Variants in LRCH3 observed in about 807,000 individuals in gnomAD.
LRCH3 encodes DISP complex protein LRCH3.
In LRCH3, 68 loss-of-function variants were observed where a neutral mutation model predicts 104.5. That is an observed-to-expected ratio of 0.65 (90% CI 0.54 to 0.80). The LOEUF (loss-of-function observed/expected upper bound fraction) is 0.80, where lower values mean the gene tolerates loss of function less well. Among genes scored for constraint, LRCH3 ranks in the 30% least tolerant of loss-of-function variants. The pLI is 0.00. For synonymous variants in LRCH3, 344 were observed against 361.3 expected (o/e 0.95, Z 0.54); for missense variants, 951 against 953.9 (o/e 1.00, Z 0.04).
At chr3:197,792,577 T>TTATGTGTATATATATATATATATATA (rs1352243221) in intron 1 of LRCH3, among the ~76,000 whole-genome samples, 1 of 20,330 alleles carries the variant, frequency 4.9e-5, no homozygotes, top group African/African-American at 1.2e-4. Context: ...CCAGCTAATT[T>TTATGTGTATATATATATATATATATA]TATATATATA....
rs756117513 is a variant in LRCH3 at position 197,817,165 on chromosome 3, T to G, written c.408-11T>G. 5.7e-6 allele frequency: 9 copies of G among 1,588,036 alleles called. No individual in the cohort carries two copies. In the South Asian group the frequency reaches 1.0e-4, roughly 18 times the overall value. ...ACTCTGATTCTTCTCTCTTTCTACT[T>G]ACCCATTTAGTCGGAACCAACTGTC... On this transcript the variant is annotated splice_polypyrimidine_tract_variant and intron_variant, in intron 2 of 20. Transcript: ENST00000425562.
At chr3:197,872,676 G>A (rs1018729341) in intron 19 of LRCH3, among the ~76,000 whole-genome samples, 17 of 152,178 alleles carry the variant, frequency 1.1e-4, no homozygotes, top group African/African-American at 4.1e-4. Flanking sequence ...GGCCAACATG[G>A]TGAAACCCCA....
intron 5 of LRCH3, among the ~76,000 whole-genome samples, 171 bp downstream of exon 5, chr3:197,827,185 A>G (rs953916781): frequency 2.6e-5 from 4 of 151,052 alleles, no homozygotes; most frequent in East Asian, 2.0e-4. Flanking sequence ...GGTAAACCAT[A>G]GTGGAAGCAT....
In LRCH3 at chr3:197,829,637, C is replaced by CG; in HGVS notation, c.853dup (p.Asp285GlyfsTer3). The CG allele has an allele frequency of 6.2e-7, 1 of 1,613,138 alleles. No homozygotes were observed. Among genetic ancestry groups the CG allele is most frequent in the Admixed American group, 1.7e-5 (1 of 59,746 alleles). On this transcript the variant is annotated frameshift_variant, in exon 6 of 21. Coordinates refer to ENST00000425562, the MANE Select transcript of LRCH3 (RefSeq NM_001365715.1). LOFTEE classifies it high-confidence loss of function. Reference sequence around the variant, plus strand: ...GCTTGTAAGATTGCTCCAGATCTGCCGGATTATGATAGGAGACCGTTGGGT... The same window carrying CG: ...GCTTGTAAGATTGCTCCAGATCTGCCGGGATTATGATAGGAGACCGTTGGGT...
chr3:197,852,193 T>C (rs779227477), intron 12 of LRCH3: 31 of 196,590 alleles, frequency 1.6e-4, no homozygotes, highest in Admixed American at 5.3e-5. Flanking sequence ...TGTTTTTGAA[T>C]GTGTCAGATA....
At chr3:197,832,615 T>G (rs1736108823) in intron 8 of LRCH3, among the ~76,000 whole-genome samples, 1 of 152,198 alleles carries the variant, frequency 6.6e-6, no homozygotes, top group Non-Finnish European at 1.5e-5. Flanking sequence ...TCACGACCTT[T>G]TGAAGTAACA....
intron 17 of LRCH3, among the ~76,000 whole-genome samples, chr3:197,868,785 C>T (rs1021103386): frequency 6.6e-6 from 1 of 152,046 alleles, no homozygotes; most frequent in Non-Finnish European, 1.5e-5. Flanking sequence ...AAAAATGAAC[C>T]AGACCAGCCT....
Position 197,847,416 on chromosome 3 carries a change from G to T in LRCH3, c.1336G>T (p.Ala446Ser), listed in dbSNP as rs1025004153. 6.9e-6 allele frequency: 11 copies of T among 1,597,424 alleles called. No homozygotes were observed. Among genetic ancestry groups the T allele is most frequent in the Non-Finnish European group, 9.4e-6 (11 of 1,173,716 alleles). ...RRYLHQNRVP[A>S]EPSSLLSLSA... ...TTTTCTTTTTTGGGTCAGGGTTCCA[G>T]CTGAGCCATCTTCCCTCCTGTCACT... is the stretch of plus-strand genomic sequence containing the variant. Residue 446 changes from alanine (A) to serine (S), a missense_variant, in exon 11 of 21, where the codon GCT becomes TCT. By Grantham distance (99) the Ala-to-Ser change is moderately conservative (BLOSUM62 1). Coordinates refer to ENST00000425562, the MANE Select transcript of LRCH3 (RefSeq NM_001365715.1).
intron 1 of LRCH3, among the ~76,000 whole-genome samples, chr3:197,813,575 G>T (rs1304101086): frequency 7.7e-6 from 1 of 130,468 alleles, no homozygotes; most frequent in Non-Finnish European, 1.6e-5. Context: ...CTCTTGCCCA[G>T]GCTGGAGTAC....
intron 1 of LRCH3, among the ~76,000 whole-genome samples, chr3:197,795,686 GTTTTTTTTTTTT>G (rs1167369678): frequency 3.0e-5 from 2 of 65,818 alleles, no homozygotes; most frequent in Non-Finnish European, 5.4e-5. Flanking sequence ...AAAAGTTGTT[GTTTTTTTTTTTT>G]TTTTTTTTTT....
At chr3:197,868,976 T>C (rs1711685588) in intron 17 of LRCH3, among the ~76,000 whole-genome samples, 1 of 152,234 alleles carries the variant, frequency 6.6e-6, no homozygotes, top group South Asian at 2.1e-4. Context: ...TAATTTTCAA[T>C]AAAAACATTT....
chr3:197,838,862 T>C lies in LRCH3; in HGVS notation c.1252-459T>C, dbSNP rs140489906. ...TTGTATGAGTATGATAAGAGACAAT[T>C]TGTTGTGATGGATAAATAAAGAAAT... is the stretch of plus-strand genomic sequence containing the variant. On this transcript the variant is annotated intron_variant, in intron 9 of 20. Coordinates refer to ENST00000425562, the MANE Select transcript of LRCH3 (RefSeq NM_001365715.1). 1.1e-4 allele frequency among the ~76,000 whole-genome samples: 17 copies of C among 152,288 alleles called. No individual in the cohort carries two copies. The East Asian group carries it at 3.1e-3, about 28-fold the overall frequency.
At chr3:197,799,983 G>T (rs1210326697) in intron 1 of LRCH3, among the ~76,000 whole-genome samples, 1 of 151,144 alleles carries the variant, frequency 6.6e-6, no homozygotes, top group Admixed American at 6.6e-5. Context: ...AGTTCAAGAC[G>T]AGCCTGGCCA....
chr3:197,822,310 C>T (rs931371408), intron 4 of LRCH3, among the ~76,000 whole-genome samples: 2 of 152,128 alleles, frequency 1.3e-5, no homozygotes, highest in African/African-American at 4.8e-5. Flanking sequence ...CCTCTAGGAC[C>T]TTATAACCCC....
intron 15 of LRCH3, among the ~76,000 whole-genome samples, chr3:197,859,773 C>CTT (rs199851982): frequency 5.9e-4 from 85 of 144,770 alleles, no homozygotes; most frequent in African/African-American, 2.0e-3. Context: ...TGTAAGAATC[C>CTT]TTTTTTTTTT....
chr3:197,846,983 C>G (rs907579724), intron 10 of LRCH3, among the ~76,000 whole-genome samples: 10 of 151,960 alleles, frequency 6.6e-5, no homozygotes, highest in African/African-American at 2.4e-4. Flanking sequence ...AAAATAAGAG[C>G]AGGTGTGCTT....
intron 12 of LRCH3, 108 bp downstream of exon 12, chr3:197,848,129 C>A: frequency 9.1e-7 from 1 of 1,094,864 alleles, no homozygotes; most frequent in African/African-American, 1.6e-5. Flanking sequence ...CCATTTTTCT[C>A]TCTGTAAGGA....
At chr3:197,844,577 G>A (rs115150888) in intron 10 of LRCH3, among the ~76,000 whole-genome samples, 1 of 151,382 alleles carries the variant, frequency 6.6e-6, no homozygotes, top group Non-Finnish European at 1.5e-5. Context: ...GTTTGAAGAA[G>A]TATAGAGAGG....
Position 197,791,489 on chromosome 3 carries a change from G to A in LRCH3, c.211G>A (p.Glu71Lys). Residue 71 changes from glutamate to lysine, a missense_variant, in exon 1 of 21, where the codon GAG becomes AAG. Coordinates refer to ENST00000425562, the MANE Select transcript of LRCH3 (RefSeq NM_001365715.1). ...VLSLSGRKLR[E>K]FPRGAANHDL... Reference sequence around the variant, plus strand: ...GAGCCTGAGCGGCCGGAAACTGAGGGAGTTTCCCCGGGGAGCGGCCAACCA... The same window carrying A: ...GAGCCTGAGCGGCCGGAAACTGAGGAAGTTTCCCCGGGGAGCGGCCAACCA... The A allele has an allele frequency of 6.2e-7, 1 of 1,601,882 alleles. No individual in the cohort carries two copies. The highest frequency in any genetic ancestry group is 8.5e-7 in the Non-Finnish European group (1 of 1,175,750).
Sources: allele counts gnomAD v4.1 joint callset (sites outside exome capture counted in the v4.1 genomes callset), GRCh38; gene constraint gnomAD v4.1.1; transcripts MANE v1.5; gene names NCBI Gene and HGNC (gene_info 2026-07-23, HGNC 2026-07-21).